The following WDR33 variants were observed in gnomAD, a reference collection of about 807,000 sequenced individuals.
The protein encoded by WDR33 is WD repeat domain 33.
In WDR33, 47 loss-of-function variants were observed where a neutral mutation model predicts 164.9. The ratio of observed to expected loss-of-function variants is 0.29; its 90% CI spans 0.23 to 0.36. The LOEUF is 0.36. Among genes scored for constraint, WDR33 ranks in the 10% least tolerant of loss-of-function variants. The pLI is 1.00. For synonymous variants in WDR33, 505 were observed against 589.0 expected, an observed-to-expected ratio of 0.86 and a Z score of 2.06; for missense variants, 1,137 against 1,754.1, an observed-to-expected ratio of 0.65 and a Z score of 6.28.
At chr2:127,739,270 C>T (rs1159890682) in intron 7 of WDR33, among the ~76,000 whole-genome samples, 1 of 152,120 alleles carries the variant, frequency 6.6e-6, no homozygotes, top group Non-Finnish European at 1.5e-5. Flanking sequence ...GGGTTTATTC[C>T]ACTTTCATCT....
In WDR33 at chr2:127,724,486, C is replaced by T. The variant is rs370579709; in HGVS notation, c.1086-43G>A. The T allele has an allele frequency of 6.6e-7, 1 of 1,513,882 alleles. No homozygotes were observed. Among genetic ancestry groups the T allele is most frequent in the African/African-American group, 1.4e-5 (1 of 72,648 alleles). The allele number at this position is 1,513,882 out of a possible 1,614,324, so 93.8% of individuals were successfully genotyped here. On this transcript the variant is annotated intron_variant, in intron 10 of 21. Transcript: ENST00000322313. The surrounding 1 kb of genome is among the most constrained non-coding windows in gnomAD (Gnocchi z 4.8). ...AGAGAAGATTTGTTCACAAAAGTTA[C>T]CCAGCTTCTCCCTCCCCCTCAAAAA...
rs749847750 is a variant in WDR33 at position 127,720,193 on chromosome 2, G to T, written c.1832C>A (p.Pro611Gln). 1.2e-6 allele frequency: 2 copies of T among 1,612,158 alleles called. No homozygotes were observed. Among genetic ancestry groups the T allele is most frequent in the Middle Eastern group, 1.6e-4 (1 of 6,072 alleles). The part of the protein sequence containing the change: ...FQQPHPSQQM[P>Q]MNMAQMGPPG... ...AGGCCCCATTTGAGCCATGTTCATTGGCATCTGCTGAGATGGATGGGGCTG... is the reference window on the plus strand; with the variant it reads ...AGGCCCCATTTGAGCCATGTTCATTTGCATCTGCTGAGATGGATGGGGCTG... The change falls in exon 16 of 22, where the codon CCA becomes CAA. Residue 611 changes from proline to glutamine, a missense_variant. By Grantham distance (76) the Pro-to-Gln change is moderately conservative (BLOSUM62 -1). This residue lies in a region of WDR33 where 867 missense variants were observed against 1,073.0 expected (regional missense o/e 0.81). Transcript: ENST00000322313. The surrounding 1 kb of genome is among the most constrained non-coding windows in gnomAD (Gnocchi z 5.9).
chr2:127,796,396 G>A (rs1181772212), intron 1 of WDR33, among the ~76,000 whole-genome samples: 2 of 145,972 alleles, frequency 1.4e-5, no homozygotes, highest in Non-Finnish European at 3.2e-5. Context: ...ATGTGTGAGA[G>A]ATAGCACTAC....
At chr2:127,785,318 CATT>C (rs1236595587) in intron 1 of WDR33, among the ~76,000 whole-genome samples, 1 of 152,176 alleles carries the variant, frequency 6.6e-6, no homozygotes, top group Non-Finnish European at 1.5e-5. Flanking sequence ...ACTGATGCAT[CATT>C]ATCACCCAAA....
At chr2:127,730,809 A>G (rs1274874785) in intron 7 of WDR33, among the ~76,000 whole-genome samples, 1 of 152,222 alleles carries the variant, frequency 6.6e-6, no homozygotes, top group Non-Finnish European at 1.5e-5. Context: ...AACAAAGATG[A>G]ACTTCTATCC....
chr2:127,762,833 C>A, intron 7 of WDR33: 1 of 1,342,446 alleles, frequency 7.4e-7, no homozygotes, highest in Non-Finnish European at 9.6e-7. Flanking sequence ...GGGAGGCACT[C>A]TTGTATTTAA....
Position 127,723,426 on chromosome 2 carries a change from G to T in WDR33, c.1197-79C>A. Reference sequence around the variant, plus strand: ...ACTAAACAGTACTAGGCAGACCCTTGGTAAACACAACACATTTTTACAATT... The same window carrying T: ...ACTAAACAGTACTAGGCAGACCCTTTGTAAACACAACACATTTTTACAATT... On this transcript the variant is annotated intron_variant, in intron 11 of 21. Transcript: ENST00000322313. This position sits in a 1 kb window ranked among gnomAD's most constrained non-coding sequence, Gnocchi z 5.9. 1.8e-6 allele frequency: 2 copies of T among 1,085,606 alleles called. No individual in the cohort carries two copies. The highest frequency in any genetic ancestry group is 2.7e-6 in the Non-Finnish European group (2 of 729,726). 67.2% of individuals were successfully genotyped at this position (1,085,606 alleles called of 1,614,324 possible). A position where few individuals can be genotyped will look rare whatever the true frequency, so the allele number is the denominator to read the frequency against.
chr2:127,802,584 T>C (rs1573486760), intron 1 of WDR33, among the ~76,000 whole-genome samples: 1 of 152,160 alleles, frequency 6.6e-6, no homozygotes, highest in African/African-American at 2.4e-5. Flanking sequence ...GCCCAGCCAG[T>C]ACTTTTTCAA....
chr2:127,702,299 C>A lies in WDR33; in HGVS notation c.*4024G>T. On this transcript the variant is annotated 3_prime_UTR_variant, in exon 22 of 22. Coordinates refer to ENST00000322313, the MANE Select transcript of WDR33 (RefSeq NM_018383.5). ...CGTGGCGAAGGCCCTGCCCTAACAG[C>A]CTGCGAGTCTAATCCGGGAGCGGCT... 1.0e-6 allele frequency: 1 copy of A among 1,004,536 alleles called. No individual in the cohort carries two copies. The highest frequency in any genetic ancestry group is 1.3e-6 in the Non-Finnish European group (1 of 792,642). The allele number at this position is 1,004,536 out of a possible 1,614,324, so 62.2% of individuals were successfully genotyped here.
chr2:127,792,101 G>C (rs1333450704), intron 1 of WDR33, among the ~76,000 whole-genome samples: 1 of 151,708 alleles, frequency 6.6e-6, no homozygotes, highest in Non-Finnish European at 1.5e-5. Context: ...ACCACGCCCG[G>C]CTAATTTTTG....
chr2:127,763,985 A>C lies in WDR33; in HGVS notation c.627-826T>G, dbSNP rs1442037268. ...AAGATTCTGAAAGTATGAACAAATGACTACAGTGGATGATGTTTCCATAAA... is the reference window on the plus strand; with the variant it reads ...AAGATTCTGAAAGTATGAACAAATGCCTACAGTGGATGATGTTTCCATAAA... On this transcript the variant is annotated intron_variant, in intron 6 of 21. Coordinates refer to ENST00000322313, the MANE Select transcript of WDR33 (RefSeq NM_018383.5). This position sits in a 1 kb window ranked among gnomAD's most constrained non-coding sequence, Gnocchi z 4.5. 5 of 985,840 alleles carry C rather than the reference A, an allele frequency of 5.1e-6. No homozygotes were observed. The highest frequency in any genetic ancestry group is 1.7e-5 in the African/African-American group (1 of 57,242). The allele number at this position is 985,840 out of a possible 1,614,324, so 61.1% of individuals were successfully genotyped here.
rs116981898 is a variant in WDR33, at chr2:127,779,862, A to G, written c.-23-8858T>C. ...TCAGAGCTTCCAATCAGAACAAGAA[A>G]GCTTGTTTTCCCAAACTGAGATAAC... On this transcript the variant is annotated intron_variant, in intron 1 of 21. Transcript: ENST00000322313. 3.5e-4 allele frequency among the ~76,000 whole-genome samples: 53 copies of G among 152,380 alleles called. No individual in the cohort carries two copies. The East Asian group carries it at 0.01, about 29-fold the overall frequency.
At chr2:127,795,016 T>G (rs1688984124) in intron 1 of WDR33, among the ~76,000 whole-genome samples, 1 of 151,400 alleles carries the variant, frequency 6.6e-6, no homozygotes, top group African/African-American at 2.4e-5. Context: ...ATACTTTCTA[T>G]TCTTAAACTG....
intron 1 of WDR33, among the ~76,000 whole-genome samples, chr2:127,796,999 A>G (rs56256322): frequency 0.066 from 9,985 of 152,078 alleles, 460 homozygotes; most frequent in Middle Eastern, 0.16. Context: ...TGTAGCCCCA[A>G]AATCAATACT....
At chr2:127,794,703 G>A (rs911711947) in intron 1 of WDR33, among the ~76,000 whole-genome samples, 1 of 150,800 alleles carries the variant, frequency 6.6e-6, no homozygotes, top group Non-Finnish European at 1.5e-5. Context: ...GTGTAGTGGC[G>A]GGCAACTGTA....
chr2:127,705,694 G>C lies in WDR33; in HGVS notation c.*629C>G, dbSNP rs1685993451. ...TCAGAGCATGTCTGAATAAAAATTT[G>C]AACCTACTACAAACTACATTAGAAT... is the stretch of plus-strand genomic sequence containing the variant. On this transcript the variant is annotated 3_prime_UTR_variant, in exon 22 of 22. Transcript: ENST00000322313. This position sits in a 1 kb window ranked among gnomAD's most constrained non-coding sequence, Gnocchi z 4.5. The C allele has an allele frequency of 6.6e-6, 1 of 152,180 alleles. No homozygotes were observed. The highest frequency in any genetic ancestry group is 1.5e-5 in the Non-Finnish European group (1 of 68,028). The allele number at this position is 152,180 out of a possible 1,614,324, so 9.4% of individuals were successfully genotyped here.
chr2:127,742,844 T>C (rs1037843715), intron 7 of WDR33, among the ~76,000 whole-genome samples: 2 of 145,378 alleles, frequency 1.4e-5, no homozygotes, highest in Admixed American at 1.4e-4. Flanking sequence ...AAAATATGTA[T>C]ACCTATACTC....
chr2:127,801,519 CA>C (rs1689241130), intron 1 of WDR33, among the ~76,000 whole-genome samples: 1 of 93,126 alleles, frequency 1.1e-5, no homozygotes, highest in African/African-American at 1.1e-4. Flanking sequence ...AAAAAACACA[CA>C]ACAAAAAAAA....
In WDR33 at chr2:127,768,240, T is replaced by C; in HGVS notation, c.327A>G (p.Lys109=). ...LNNPMNAVTT[K]FVRTSTNKVK... Reference sequence around the variant, plus strand: ...CTTTATTTGTTGATGTCCGAACAAATTTTGTTGTTACTGCATTCATAGGAT... The same window carrying C: ...CTTTATTTGTTGATGTCCGAACAAACTTTGTTGTTACTGCATTCATAGGAT... Residue 109 remains lysine (K), a synonymous_variant, in exon 4 of 22, where the codon AAA becomes AAG. Transcript: ENST00000322313. 1 of 1,583,170 alleles carries C rather than the reference T, an allele frequency of 6.3e-7. No individual in the cohort carries two copies. The highest frequency in any genetic ancestry group is 8.6e-7 in the Non-Finnish European group (1 of 1,162,082).
Sources: gnomAD v4.1 joint callset for allele counts (sites outside exome capture counted in the v4.1 genomes callset) on GRCh38, gnomAD v4.1.1 for gene constraint, gnomAD v4.1.1 regional missense constraint, Gnocchi (gnomAD v3.1) non-coding constraint, MANE v1.5 for transcripts, NCBI Gene and HGNC (gene_info 2026-07-23, HGNC 2026-07-21) for gene names.